ATP2B2: variants seen among roughly 807,000 people sequenced by gnomAD.
The protein encoded by ATP2B2 is ATPase plasma membrane Ca2+ transporting 2, also known as plasma membrane calcium-transporting ATPase 2.
ATP2B2 carries 15 observed loss-of-function variants against 120.0 expected under a neutral mutation model. The ratio of observed to expected loss-of-function variants is 0.12; its 90% CI spans 0.08 to 0.19. The LOEUF is 0.19. Ranked by LOEUF, ATP2B2 falls within the 10% of genes least tolerant of loss-of-function variation. The probability of loss-of-function intolerance (pLI) is 1.00; values close to 1 mark genes in which losing one functional copy is unlikely to be tolerated. For synonymous variants in ATP2B2, 694 were observed against 700.3 expected (o/e 0.99, Z 0.14); for missense variants, 1,045 against 1,719.8 (o/e 0.61, Z 6.94).
intron 1 of ATP2B2, among the ~76,000 whole-genome samples, chr3:10,504,520 C>A (rs945598136): frequency 1.3e-5 from 2 of 151,666 alleles, no homozygotes; most frequent in Admixed American, 6.6e-5. Flanking sequence ...GGGCCCGAGA[C>A]CCCCAGGGCC....
intron 3 of ATP2B2, among the ~76,000 whole-genome samples, chr3:10,511,536 G>T (rs1157049703): frequency 6.6e-6 from 1 of 152,158 alleles, no homozygotes; most frequent in Non-Finnish European, 1.5e-5. Context: ...ACGCATTTAG[G>T]GGTCCTGGCT....
chr3:10,602,832 C>T (rs2068959896), intron 2 of ATP2B2, among the ~76,000 whole-genome samples: 1 of 152,174 alleles, frequency 6.6e-6, no homozygotes. Context: ...CCAAGGTGAG[C>T]TCCTGGCAAA....
chr3:10,513,284 G>T (rs537470007), intron 3 of ATP2B2, among the ~76,000 whole-genome samples: 1 of 152,292 alleles, frequency 6.6e-6, no homozygotes, highest in East Asian at 1.9e-4. Flanking sequence ...GAGAGGCAGT[G>T]TTGCCGACAA....
intron 2 of ATP2B2, among the ~76,000 whole-genome samples, chr3:10,556,539 G>A (rs1450171926): frequency 6.6e-6 from 1 of 152,202 alleles, no homozygotes; most frequent in African/African-American, 2.4e-5. Context: ...GCCTCTCTGA[G>A]GACGCGGCCT....
At chr3:10,511,061 C>T (rs1364371078) in intron 3 of ATP2B2, among the ~76,000 whole-genome samples, 1 of 152,154 alleles carries the variant, frequency 6.6e-6, no homozygotes, top group East Asian at 1.9e-4. Flanking sequence ...CCAGACTGCT[C>T]CCATTACCCT....
chr3:10,655,150 G>T (rs1405838961), intron 1 of ATP2B2, among the ~76,000 whole-genome samples: 1 of 152,178 alleles, frequency 6.6e-6, no homozygotes, highest in Non-Finnish European at 1.5e-5. Flanking sequence ...ATGAAATACT[G>T]CTGGTCAAAT....
intron 2 of ATP2B2, 122 bp from the exon 3 acceptor site, chr3:10,410,937 C>A (rs968209609): frequency 8.4e-7 from 1 of 1,190,180 alleles, no homozygotes; most frequent in Non-Finnish European, 1.2e-6. Flanking sequence ...GCCCAGGAGC[C>A]CAACATCTCT....
chr3:10,499,931 C>CTTTTT (rs57211710), intron 1 of ATP2B2, among the ~76,000 whole-genome samples: 4 of 117,608 alleles, frequency 3.4e-5, no homozygotes, highest in African/African-American at 7.0e-5. Context: ...TGGGCACATT[C>CTTTTT]TTTTTTTTTT....
At chr3:10,551,570 AT>A (rs2067670986) in intron 2 of ATP2B2, among the ~76,000 whole-genome samples, 1 of 152,182 alleles carries the variant, frequency 6.6e-6, no homozygotes, top group African/African-American at 2.4e-5. Context: ...CTGTAAACAT[AT>A]TTCTATTCTA....
chr3:10,667,242 TG>T (rs1193774642), intron 1 of ATP2B2, among the ~76,000 whole-genome samples: 1 of 152,150 alleles, frequency 6.6e-6, no homozygotes. Flanking sequence ...ATTTTATAGA[TG>T]AGGAAACTGA....
At chr3:10,595,652 GC>G (rs1424197082) in intron 2 of ATP2B2, among the ~76,000 whole-genome samples, 1 of 386 alleles carries the variant, frequency 2.6e-3, no homozygotes, top group East Asian at 0.062. Flanking sequence ...AGACCACATT[GC>G]GCTTCCATTA....
At chr3:10,641,764 C>CG (rs1425496414) in intron 1 of ATP2B2, among the ~76,000 whole-genome samples, 1 of 152,036 alleles carries the variant, frequency 6.6e-6, no homozygotes, top group Non-Finnish European at 1.5e-5. Flanking sequence ...GAGATGTTCC[C>CG]GGGGAGAAGC....
intron 1 of ATP2B2, among the ~76,000 whole-genome samples, chr3:10,464,182 G>C (rs1382884836): frequency 6.6e-6 from 1 of 152,186 alleles, no homozygotes; most frequent in Admixed American, 6.5e-5. Flanking sequence ...CCGGCACCTT[G>C]AACAGATGGT....
chr3:10,517,898 G>A (rs1413696649), intron 3 of ATP2B2, among the ~76,000 whole-genome samples: 1 of 152,228 alleles, frequency 6.6e-6, no homozygotes, highest in Non-Finnish European at 1.5e-5. Context: ...GATGGCTGCA[G>A]ATAGGATGAC....
chr3:10,646,614 C>T (rs943708274), intron 1 of ATP2B2, among the ~76,000 whole-genome samples: 1 of 152,122 alleles, frequency 6.6e-6, no homozygotes, highest in African/African-American at 2.4e-5. Context: ...CCCCAAAGCC[C>T]CTCCCTGGCG....
chr3:10,510,533 G>A (rs2066740654), upstream of ATP2B2, among the ~76,000 whole-genome samples: 1 of 152,318 alleles, frequency 6.6e-6, no homozygotes, highest in African/African-American at 2.4e-5. Flanking sequence ...TATCTTCCCG[G>A]CCACACAGCT....
chr3:10,393,996 C>G (rs2061946034), intron 5 of ATP2B2, among the ~76,000 whole-genome samples: 2 of 152,148 alleles, frequency 1.3e-5, no homozygotes, highest in Admixed American at 1.3e-4. Context: ...AACTGGGAAG[C>G]CTCCTTTTAC....
chr3:10,370,724 C>T (rs1329689456), intron 12 of ATP2B2, among the ~76,000 whole-genome samples: 4 of 152,192 alleles, frequency 2.6e-5, no homozygotes, highest in African/African-American at 4.8e-5. Flanking sequence ...GAGAAGGTTG[C>T]AGCTGGCTCA....
In ATP2B2 at chr3:10,372,012, C is replaced by T. The variant is rs1367903479; in HGVS notation, c.1456G>A (p.Ala486Thr). Reference protein sequence around the residue: ...KDNNLVRHLDACETMGNATAI... With the variant: ...KDNNLVRHLDTCETMGNATAI... ...GTGGCATTGCCCATGGTCTCACAGG[C>T]ATCCAGGTGGCGTACCAGGTTGTTG... Residue 486 changes from alanine (A) to threonine (T), a missense_variant, in exon 12 of 23, where the codon GCC (alanine) becomes ACC (threonine). Physicochemically the swap from Ala to Thr is moderately conservative, Grantham distance 58. Coordinates refer to ENST00000360273, the MANE Select transcript of ATP2B2 (RefSeq NM_001001331.4). The T allele has an allele frequency of 6.2e-7, 1 of 1,614,196 alleles. No homozygotes were observed. Among genetic ancestry groups the T allele is most frequent in the Non-Finnish European group, 8.5e-7 (1 of 1,180,036 alleles).
Sources: allele counts gnomAD v4.1 joint callset (sites outside exome capture counted in the v4.1 genomes callset), GRCh38; gene constraint gnomAD v4.1.1; transcripts MANE v1.5; gene names NCBI Gene and HGNC (gene_info 2026-07-23, HGNC 2026-07-21).